Variants in TRPM3 observed in about 807,000 individuals in gnomAD.
TRPM3 encodes transient receptor potential cation channel subfamily M member 3, also known as long transient receptor potential channel 3.
TRPM3 carries 77 observed loss-of-function variants against 181.2 expected under a neutral mutation model. The observed-to-expected ratio is 0.42, with a 90% CI of 0.35 to 0.51. The LOEUF (loss-of-function observed/expected upper bound fraction) is 0.51. TRPM3 is among the 20% of genes least tolerant of loss of function. The probability of loss-of-function intolerance (pLI) is 0.01; values close to 1 mark genes in which losing one functional copy is unlikely to be tolerated. For synonymous variants in TRPM3, 745 were observed against 796.4 expected (o/e 0.94, Z 1.09); for missense variants, 1,759 against 2,196.7 (o/e 0.80, Z 3.98).
intron 1 of TRPM3, among the ~76,000 whole-genome samples, chr9:71,114,515 T>C (rs1419617651): frequency 1.3e-5 from 2 of 152,342 alleles, no homozygotes; most frequent in Non-Finnish European, 2.9e-5. Context: ...AAATTAATTG[T>C]AAATATAATT....
chr9:71,058,385 C>T (rs1399933449), intron 1 of TRPM3, among the ~76,000 whole-genome samples: 1 of 152,004 alleles, frequency 6.6e-6, no homozygotes, highest in African/African-American at 2.4e-5. Flanking sequence ...GACTGCACAG[C>T]TGCACAGCTG....
chr9:70,846,289 T>C (rs1311599217), intron 4 of TRPM3, 89 bp downstream of exon 4: 2 of 1,242,144 alleles, frequency 1.6e-6, no homozygotes, highest in East Asian at 4.6e-5. Flanking sequence ...AGTGGGGTGA[T>C]ATAGAAATAA....
intron 1 of TRPM3, among the ~76,000 whole-genome samples, chr9:71,143,577 T>A (rs1167387562): frequency 1.3e-5 from 2 of 152,180 alleles, no homozygotes; most frequent in Non-Finnish European, 2.9e-5. Context: ...ATTTTCTTTA[T>A]CCAGTCTATC....
At chr9:71,423,367 C>T (rs931555477) in intron 1 of TRPM3, among the ~76,000 whole-genome samples, 2 of 152,052 alleles carry the variant, frequency 1.3e-5, no homozygotes, top group African/African-American at 4.8e-5. Context: ...ATCTTCTTTG[C>T]AACTATTTTG....
chr9:70,947,427 A>G (rs1208112295), intron 1 of TRPM3, among the ~76,000 whole-genome samples: 2 of 152,336 alleles, frequency 1.3e-5, no homozygotes, highest in East Asian at 1.9e-4. Context: ...CCAGAGAAAT[A>G]TAAGTACTAA....
At chr9:71,112,982 G>C (rs563656805) in intron 1 of TRPM3, among the ~76,000 whole-genome samples, 1 of 152,200 alleles carries the variant, frequency 6.6e-6, no homozygotes, top group Non-Finnish European at 1.5e-5. Context: ...TTGAGGAGGG[G>C]AAAAACAAGG....
At chr9:70,640,685 A>C (rs1445570880) in intron 9 of TRPM3, 25 bp from the exon 10 acceptor site, 4 of 1,580,456 alleles carry the variant, frequency 2.5e-6, no homozygotes, top group Non-Finnish European at 3.5e-6. Context: ...GTGGGAGAAA[A>C]GAGTGGAAGA....
chr9:70,569,910 C>T (rs947137554), intron 22 of TRPM3, among the ~76,000 whole-genome samples: 1 of 151,990 alleles, frequency 6.6e-6, no homozygotes, highest in Non-Finnish European at 1.5e-5. Context: ...TTGCTTCTGC[C>T]TTGCTTAGGT....
chr9:71,072,558 G>T (rs1413900857), intron 1 of TRPM3, among the ~76,000 whole-genome samples: 1 of 152,144 alleles, frequency 6.6e-6, no homozygotes, highest in East Asian at 1.9e-4. Context: ...GGATTCAGTT[G>T]TGGGTCCAAT....
chr9:70,887,184 G>A (rs1202066541), intron 1 of TRPM3, among the ~76,000 whole-genome samples: 1 of 152,130 alleles, frequency 6.6e-6, no homozygotes, highest in Non-Finnish European at 1.5e-5. Context: ...AAGAAAGAGG[G>A]CTAAGGATGT....
At chr9:71,209,045 C>G (rs529006557) in intron 1 of TRPM3, among the ~76,000 whole-genome samples, 18 of 152,212 alleles carry the variant, frequency 1.2e-4, no homozygotes, top group Admixed American at 3.9e-4. Flanking sequence ...ACTTTGATCA[C>G]TTTAATTATT....
intron 1 of TRPM3, among the ~76,000 whole-genome samples, chr9:70,959,497 T>G (rs574667869): frequency 1.4e-3 from 212 of 151,968 alleles, no homozygotes; most frequent in African/African-American, 4.8e-3. Context: ...AAGAAAGGCA[T>G]GCTCATTTGG....
chr9:71,348,538 GTTTATTTATTTATATATTTA>G (rs2091422929), intron 1 of TRPM3, among the ~76,000 whole-genome samples: 1 of 135,354 alleles, frequency 7.4e-6, no homozygotes, highest in Non-Finnish European at 1.6e-5. Flanking sequence ...TCTGAAAACA[GTTTATTTATTTATATATTTA>G]TTTATTTATT....
At chr9:70,833,411 T>A (rs1469466998) in intron 5 of TRPM3, among the ~76,000 whole-genome samples, 1 of 152,190 alleles carries the variant, frequency 6.6e-6, no homozygotes, top group African/African-American at 2.4e-5. Flanking sequence ...GCCCAAACAA[T>A]CATTCTTTCC....
At chr9:71,027,544 A>G (rs1232420592) in intron 1 of TRPM3, among the ~76,000 whole-genome samples, 3 of 152,242 alleles carry the variant, frequency 2.0e-5, no homozygotes, top group South Asian at 2.1e-4. Flanking sequence ...CTGAAATCCA[A>G]TGTAAGGAAG....
chr9:70,827,771 T>C (rs1241962839), intron 6 of TRPM3, 76 bp downstream of exon 6: 10 of 1,515,660 alleles, frequency 6.6e-6, no homozygotes, highest in Admixed American at 1.8e-5. Flanking sequence ...ATTACATTGC[T>C]GCATGGTGTA....
intron 22 of TRPM3, among the ~76,000 whole-genome samples, chr9:70,583,379 C>T (rs183011078): frequency 2.3e-4 from 35 of 152,288 alleles, no homozygotes; most frequent in Admixed American, 5.2e-4. Flanking sequence ...GCCAGGTTAC[C>T]TATGACTTAT....
At chr9:71,154,337 T>C (rs1046400417) in intron 1 of TRPM3, among the ~76,000 whole-genome samples, 1 of 152,142 alleles carries the variant, frequency 6.6e-6, no homozygotes, top group African/African-American at 2.4e-5. Context: ...CATTCATTAA[T>C]ACTAGCTAGG....
rs528588150 is a variant in TRPM3 at position 70,914,173 on chromosome 9, A to G, written c.178-49662T>C. 7.9e-5 allele frequency among the ~76,000 whole-genome samples: 12 copies of G among 152,330 alleles called. No individual in the cohort carries two copies. The East Asian group carries it at 1.2e-3, about 15-fold the overall frequency. On this transcript the variant is annotated intron_variant, in intron 1 of 25. Coordinates refer to ENST00000677713, the MANE Select transcript of TRPM3 (RefSeq NM_001366145.2). ...TTCCTCATGAATGGAGTTAATGCCC[A>G]TATAAAAGAGGCTTCACATAGCATT...
Sources: gnomAD v4.1 joint callset for allele counts (sites outside exome capture counted in the v4.1 genomes callset) on GRCh38, gnomAD v4.1.1 for gene constraint, MANE v1.5 for transcripts, NCBI Gene and HGNC (gene_info 2026-07-23, HGNC 2026-07-21) for gene names.